CCDC85C: variants seen among roughly 807,000 people sequenced by gnomAD.
CCDC85C encodes coiled-coil domain-containing protein 85C.
A neutral mutation model predicts 38.3 loss-of-function variants in CCDC85C; 18 were observed. The ratio of observed to expected loss-of-function variants is 0.47; its 90% confidence interval spans 0.33 to 0.70. The LOEUF (loss-of-function observed/expected upper bound fraction) is 0.70. Ranked by LOEUF, CCDC85C falls within the 30% of genes least tolerant of loss-of-function variation. The pLI is 0.03. For missense variants in CCDC85C, 566 were observed against 621.2 expected (o/e 0.91, Z 0.94); for synonymous variants, 264 against 293.8 (o/e 0.90, Z 1.04).
At position 99,572,923 on chromosome 14, in the gene CCDC85C, C is replaced by A; in HGVS notation, c.793+30244G>T. 2.3e-6 allele frequency: 1 copy of A among 429,156 alleles called. No homozygotes were observed. The highest frequency in any genetic ancestry group is 4.7e-6 in the Non-Finnish European group (1 of 213,206). 26.6% of individuals were successfully genotyped at this position (429,156 alleles called of 1,614,324 possible). On this transcript the variant is annotated intron_variant, in intron 1 of 5. Transcript: ENST00000380243. This position sits in a 1 kb window ranked among gnomAD's most constrained non-coding sequence, Gnocchi z 4.4. ...TGGGAGGCACGGACCTGAGGCAGCGCCTTCTCTTAGCTCTGAGCCCTGCCT... is the reference window on the plus strand; with the variant it reads ...TGGGAGGCACGGACCTGAGGCAGCGACTTCTCTTAGCTCTGAGCCCTGCCT...
intron 1 of CCDC85C, among the ~76,000 whole-genome samples, chr14:99,577,807 G>C (rs1898518802): frequency 7.0e-6 from 1 of 142,308 alleles, no homozygotes; most frequent in Non-Finnish European, 1.5e-5. Context: ...GTGTGTGTGT[G>C]TGTGTGTACA....
At chr14:99,577,595 G>A (rs1436090375) in intron 1 of CCDC85C, among the ~76,000 whole-genome samples, 1 of 151,978 alleles carries the variant, frequency 6.6e-6, no homozygotes, top group Non-Finnish European at 1.5e-5. Context: ...AGGATGGGGT[G>A]GGAAGGAGTG....
At chr14:99,598,320 C>T (rs1262521382) in intron 1 of CCDC85C, among the ~76,000 whole-genome samples, 1 of 152,252 alleles carries the variant, frequency 6.6e-6, no homozygotes, top group African/African-American at 2.4e-5. Flanking sequence ...ATTGGAAAAT[C>T]CCCACCGGCG....
chr14:99,577,140 G>A (rs1019467858), intron 1 of CCDC85C, among the ~76,000 whole-genome samples: 3 of 151,888 alleles, frequency 2.0e-5, no homozygotes, highest in African/African-American at 7.2e-5. Context: ...CTCCTCTCTG[G>A]TTCCAAGTCG....
In CCDC85C at chr14:99,506,857, T is replaced by C. The variant is rs934965377; in HGVS notation, c.*8389A>G. The stretch of plus-strand genomic sequence containing the variant: ...GTAGACATGGAAAATGGGCTGCCTG[T>C]GGGAAGCTCGCAGGTCTTTTGGAGG... On this transcript the variant is annotated 3_prime_UTR_variant, in exon 6 of 6. Transcript: ENST00000380243. 6 of 522,536 alleles carry C rather than the reference T, an allele frequency of 1.1e-5. No individual in the cohort carries two copies. In the Admixed American group the frequency reaches 1.6e-4, roughly 14 times the overall value. 32.4% of individuals were successfully genotyped at this position (522,536 alleles called of 1,614,324 possible). A position where few individuals can be genotyped will look rare whatever the true frequency, so the allele number is the denominator to read the frequency against.
At chr14:99,598,995 C>G (rs1362916019) in intron 1 of CCDC85C, among the ~76,000 whole-genome samples, 1 of 152,080 alleles carries the variant, frequency 6.6e-6, no homozygotes, top group Admixed American at 6.5e-5. Flanking sequence ...TTGGGACAGG[C>G]TGGGGAAGGA....
intron 1 of CCDC85C, among the ~76,000 whole-genome samples, chr14:99,585,690 C>A (rs570008077): frequency 6.6e-6 from 1 of 152,362 alleles, no homozygotes; most frequent in East Asian, 1.9e-4. Flanking sequence ...GGTCTGCTGC[C>A]TTGTCGGAGA....
rs992678104 is a variant in CCDC85C at position 99,535,333 on chromosome 14, G to A, written c.867+682C>T. Among the ~76,000 whole-genome samples the A allele has an allele frequency of 7.2e-5, 11 of 152,178 alleles. No homozygotes were observed. The highest frequency in any genetic ancestry group is 2.0e-4 in the Admixed American group (3 of 15,290). ...CTTGGGGGAGCGAGCGGCTTGAGAG[G>A]TCGCCAAGCCAGCTGGCCCCCAACA... On this transcript the variant is annotated intron_variant, in intron 2 of 5. Coordinates refer to ENST00000380243, the MANE Select transcript of CCDC85C (RefSeq NM_001144995.2). This position sits in a 1 kb window ranked among gnomAD's most constrained non-coding sequence, Gnocchi z 5.5.
intron 1 of CCDC85C, among the ~76,000 whole-genome samples, chr14:99,566,986 C>T (rs1468146300): frequency 6.6e-6 from 1 of 152,198 alleles, no homozygotes; most frequent in Non-Finnish European, 1.5e-5. Context: ...CAGAAGGCAG[C>T]GCTCCAGCCT....
chr14:99,602,688 C>A (rs576260325), intron 1 of CCDC85C, among the ~76,000 whole-genome samples: 1 of 152,290 alleles, frequency 6.6e-6, no homozygotes, highest in Admixed American at 6.5e-5. Context: ...CCAATCCCCA[C>A]ACCCCACTGC....
intron 1 of CCDC85C, among the ~76,000 whole-genome samples, chr14:99,573,263 T>A (rs1595094602): frequency 2.0e-5 from 3 of 152,254 alleles, no homozygotes. Context: ...GAGCCATGGG[T>A]GGCCAGGACT....
chr14:99,535,634 C>T lies in CCDC85C; in HGVS notation c.867+381G>A, dbSNP rs565326566. Among the ~76,000 whole-genome samples, 2 of 152,252 alleles carry T rather than the reference C, an allele frequency of 1.3e-5. No homozygotes were observed. Among genetic ancestry groups the T allele is most frequent in the African/African-American group, 2.4e-5 (1 of 41,536 alleles). ...AGGGGAACCCAGCCCAGGGAGGTAC[C>T]GGCCAGTGAGTCCAGCACGGCAGAG... On this transcript the variant is annotated intron_variant, in intron 2 of 5. Coordinates refer to ENST00000380243, the MANE Select transcript of CCDC85C (RefSeq NM_001144995.2). This position sits in a 1 kb window ranked among gnomAD's most constrained non-coding sequence, Gnocchi z 5.5.
In CCDC85C at chr14:99,546,367, G is replaced by A. The variant is rs916061857; in HGVS notation, c.794-10279C>T. Among the ~76,000 whole-genome samples, 9 of 152,058 alleles carry A rather than the reference G, an allele frequency of 5.9e-5. 1 individual carries two copies. Among genetic ancestry groups the A allele is most frequent in the African/African-American group, 2.2e-4 (9 of 41,408 alleles). On this transcript the variant is annotated intron_variant, in intron 1 of 5. Coordinates refer to ENST00000380243, the MANE Select transcript of CCDC85C (RefSeq NM_001144995.2). Reference sequence around the variant, plus strand: ...AGAGGTGGGAGGTGCAGCAGGTGGAGGCGGCTCAGGAAACAGGGAAATCCA... The same window carrying A: ...AGAGGTGGGAGGTGCAGCAGGTGGAAGCGGCTCAGGAAACAGGGAAATCCA...
rs887818729 is a variant in CCDC85C, at chr14:99,558,998, CCT to C, written c.794-22912_794-22911del. On this transcript the variant is annotated intron_variant, in intron 1 of 5. Coordinates refer to ENST00000380243, the MANE Select transcript of CCDC85C (RefSeq NM_001144995.2). This position sits in a 1 kb window ranked among gnomAD's most constrained non-coding sequence, Gnocchi z 4.2. ...GTGGCTCCTCCCCGCACTCTACTCC[CCT>C]CTTTCTCCTGCTCCCGCCTGCAAGA... 1.3e-5 allele frequency among the ~76,000 whole-genome samples: 2 copies of C among 152,090 alleles called. No individual in the cohort carries two copies. The highest frequency in any genetic ancestry group is 2.9e-5 in the Non-Finnish European group (2 of 68,010).
Position 99,502,615 on chromosome 14 carries a change from C to T in CCDC85C, c.*12631G>A. On this transcript the variant is annotated 3_prime_UTR_variant, in exon 6 of 6. Transcript: ENST00000380243. ...GATGGGGTGAGTTGTAAATGTGATT[C>T]ATGCTTAGGTCCTCGTAGGGGTATC... 4 of 1,249,368 alleles carry T rather than the reference C, an allele frequency of 3.2e-6. No individual in the cohort carries two copies. Among genetic ancestry groups the T allele is most frequent in the Non-Finnish European group, 4.5e-6 (4 of 889,350 alleles). 77.4% of individuals were successfully genotyped at this position (1,249,368 alleles called of 1,614,324 possible).
chr14:99,577,458 C>A (rs888245670), intron 1 of CCDC85C, among the ~76,000 whole-genome samples: 2 of 150,634 alleles, frequency 1.3e-5, no homozygotes, highest in Non-Finnish European at 3.0e-5. Flanking sequence ...GTCTGCCGCC[C>A]ACTTGCTGGG....
In CCDC85C at chr14:99,502,128, G is replaced by A; in HGVS notation, c.*13118C>T. On this transcript the variant is annotated 3_prime_UTR_variant, in exon 6 of 6. Transcript: ENST00000380243. ...GGGAGAATAAGCAAATTAATGGTTAGTTATGGCATCTCCATGCACTGGTTT... is the reference window on the plus strand; with the variant it reads ...GGGAGAATAAGCAAATTAATGGTTAATTATGGCATCTCCATGCACTGGTTT... 3 of 1,418,800 alleles carry A rather than the reference G, an allele frequency of 2.1e-6. No individual in the cohort carries two copies. Among genetic ancestry groups the A allele is most frequent in the African/African-American group, 1.4e-5 (1 of 69,002 alleles). The allele number at this position is 1,418,800 out of a possible 1,614,324, so 87.9% of individuals were successfully genotyped here. A position where few individuals can be genotyped will look rare whatever the true frequency, so the allele number is the denominator to read the frequency against.
Position 99,603,940 on chromosome 14 carries a change from G to T in CCDC85C, c.20C>A (p.Thr7Lys), listed in dbSNP as rs925197448. 1 of 1,407,290 alleles carries T rather than the reference G, an allele frequency of 7.1e-7. No homozygotes were observed. The highest frequency in any genetic ancestry group is 1.5e-5 in the South Asian group (1 of 65,200). 87.2% of individuals were successfully genotyped at this position (1,407,290 alleles called of 1,614,324 possible). Residue 7 changes from threonine to lysine, a missense_variant, in exon 1 of 6, where the codon ACG becomes AAG. Thr to Lys is a moderately conservative substitution (Grantham distance 78). Coordinates refer to ENST00000380243, the MANE Select transcript of CCDC85C (RefSeq NM_001144995.2). This position sits in a 1 kb window ranked among gnomAD's most constrained non-coding sequence, Gnocchi z 7.5. MAKPAATAAAASEELSQ... is the reference protein window; with the variant it reads MAKPAAKAAAASEELSQ... ...CAGCTCCTCCGACGCCGCCGCCGCC[G>T]TCGCCGCGGGCTTAGCCATGGCGGG...
intron 2 of CCDC85C, among the ~76,000 whole-genome samples, chr14:99,534,292 G>A (rs1897549889): frequency 6.6e-6 from 1 of 151,864 alleles, no homozygotes; most frequent in African/African-American, 2.4e-5. Context: ...GAGACAGAGG[G>A]TTGTGGTGAG....
Sources: gnomAD v4.1 joint callset for allele counts (sites outside exome capture counted in the v4.1 genomes callset) on GRCh38, gnomAD v4.1.1 for gene constraint, Gnocchi (gnomAD v3.1) non-coding constraint, MANE v1.5 for transcripts, NCBI Gene and HGNC (gene_info 2026-07-23, HGNC 2026-07-21) for gene names.